The following INTS1 variants were observed in gnomAD, a reference collection of about 807,000 sequenced individuals.
INTS1 encodes integrator complex subunit 1.
In INTS1, 137 loss-of-function variants were observed where a neutral mutation model predicts 241.6. The ratio of observed to expected loss-of-function variants is 0.57; its 90% CI spans 0.49 to 0.65. The LOEUF (loss-of-function observed/expected upper bound fraction) is 0.65. INTS1 is among the 30% of genes least tolerant of loss of function. The pLI is 0.00. For missense variants in INTS1, 3,073 were observed against 3,032.2 expected, an observed-to-expected ratio of 1.01 and a Z score of -0.32; for synonymous variants, 1,692 against 1,337.8, an observed-to-expected ratio of 1.26 and a Z score of -5.78.
intron 32 of INTS1, 50 bp from the exon 33 acceptor site, chr7:1,478,556 G>T: frequency 2.5e-6 from 4 of 1,583,578 alleles, no homozygotes; most frequent in Non-Finnish European, 3.4e-6. Flanking sequence ...TCACCCCATC[G>T]GTGTATCCCA....
At chr7:1,482,782 T>C (rs1051842010) in intron 26 of INTS1, 75 bp from the exon 27 acceptor site, 1 of 1,526,472 alleles carries the variant, frequency 6.6e-7, no homozygotes, top group African/African-American at 1.4e-5. Flanking sequence ...GTGCCAAGGC[T>C]AGAGGCACCT....
chr7:1,478,556 G>A (rs1348142770), intron 32 of INTS1, 50 bp from the exon 33 acceptor site: 9 of 1,583,458 alleles, frequency 5.7e-6, no homozygotes, highest in Middle Eastern at 2.2e-4. Context: ...TCACCCCATC[G>A]GTGTATCCCA....
chr7:1,480,340 C>A lies in INTS1; in HGVS notation c.4051G>T (p.Asp1351Tyr). The change falls in exon 30 of 48, where the codon GAC becomes TAC. Residue 1351 changes from aspartate to tyrosine, a missense_variant. Asp to Tyr is a radical substitution (Grantham distance 160, BLOSUM62 -3). Transcript: ENST00000404767. ...ACCTGGAGGAACATGCCAGCCAGGT[C>A]GTCCTCAGGGCCCAGCACCCGGAGC... The part of the protein sequence containing the change: ...TQLRVLGPED[D>Y]LAGMFLQIFP... The A allele has an allele frequency of 1.9e-6, 3 of 1,610,134 alleles. No homozygotes were observed. The highest frequency in any genetic ancestry group is 2.5e-6 in the Non-Finnish European group (3 of 1,178,826).
At chr7:1,488,595 G>A (rs963228269) in intron 18 of INTS1, among the ~76,000 whole-genome samples, 21 of 151,946 alleles carry the variant, frequency 1.4e-4, no homozygotes, top group East Asian at 3.9e-4. Flanking sequence ...ACAGTGCAAC[G>A]GCCCCAAACG....
intron 45 of INTS1, 82 bp downstream of exon 45, chr7:1,471,489 C>T (rs918172753): frequency 4.3e-5 from 63 of 1,459,650 alleles, no homozygotes; most frequent in African/African-American, 2.8e-4. Context: ...AGCGCGGGCA[C>T]GCCATGTTGG....
Position 1,478,617 on chromosome 7 carries a change from C to T in INTS1, c.4489+109G>A. 2.0e-6 allele frequency: 3 copies of T among 1,492,720 alleles called. No individual in the cohort carries two copies. In the Admixed American group the frequency reaches 6.1e-5, roughly 30 times the overall value. The allele number at this position is 1,492,720 out of a possible 1,614,324, so 92.5% of individuals were successfully genotyped here. ...GCTCCCCTGGGCCCACGCGGGTACCCACCCCCCAAGCCACTGCCCAGGCCT... is the reference window on the plus strand; with the variant it reads ...GCTCCCCTGGGCCCACGCGGGTACCTACCCCCCAAGCCACTGCCCAGGCCT... On this transcript the variant is annotated intron_variant, in intron 32 of 47. Transcript: ENST00000404767.
intron 18 of INTS1, among the ~76,000 whole-genome samples, chr7:1,488,412 G>A (rs542945231): frequency 1.3e-5 from 2 of 152,134 alleles, no homozygotes; most frequent in Non-Finnish European, 2.9e-5. Context: ...CCCCATGGCC[G>A]CTCTAATCTG....
intron 40 of INTS1, among the ~76,000 whole-genome samples, 171 bp from the exon 41 acceptor site, chr7:1,474,531 C>T (rs145295922): frequency 1.6e-4 from 24 of 152,338 alleles, no homozygotes; most frequent in African/African-American, 5.3e-4. Context: ...GCCCACCCAG[C>T]TCCTCCCACC....
chr7:1,490,650 CCA>C (rs1782506930), intron 16 of INTS1, among the ~76,000 whole-genome samples: 1 of 152,232 alleles, frequency 6.6e-6, no homozygotes, highest in South Asian at 2.1e-4. Flanking sequence ...GTGGCACTCC[CCA>C]GACTGACCCA....
chr7:1,477,708 G>A (rs1313303168), intron 34 of INTS1, 35 bp from the exon 35 acceptor site: 1 of 1,604,594 alleles, frequency 6.2e-7, no homozygotes, highest in Admixed American at 1.7e-5. Context: ...AAGGGCTGGT[G>A]CCACCCGCCT....
Position 1,478,846 on chromosome 7 carries a change from G to C in INTS1, c.4369C>G (p.Leu1457Val), listed in dbSNP as rs766054060. 4.3e-6 allele frequency: 7 copies of C among 1,610,822 alleles called. No individual in the cohort carries two copies. Among genetic ancestry groups the C allele is most frequent in the South Asian group, 1.1e-5 (1 of 90,818 alleles). Residue 1457 changes from leucine (L) to valine (V), a missense_variant, in exon 32 of 48, where the codon CTG becomes GTG. Leu to Val is a conservative substitution (Grantham distance 32). Transcript: ENST00000404767. ...PQDTGFSSLF[L>V]KVLLQMLQWL... ...TGCAGCATCTGCAGGAGCACCTTCA[G>C]GAAGAGCGAGGAGAAGCCGGTGTCC...
chr7:1,471,371 G>A, intron 45 of INTS1, 147 bp from the exon 46 acceptor site: 1 of 1,028,234 alleles, frequency 9.7e-7, no homozygotes, highest in Non-Finnish European at 1.4e-6. Flanking sequence ...CCACTGGCCG[G>A]TCCCAGCCCG....
chr7:1,486,579 T>C (rs755819883), intron 22 of INTS1, 46 bp downstream of exon 22: 8 of 1,579,976 alleles, frequency 5.1e-6, no homozygotes, highest in South Asian at 2.3e-5. Context: ...GCCTACTCAT[T>C]TTAAACATGA....
At chr7:1,503,854 C>CAAAG (rs1305065908) in intron 2 of INTS1, 49 bp downstream of exon 2, 13 of 1,430,990 alleles carry the variant, frequency 9.1e-6, no homozygotes, top group Non-Finnish European at 9.6e-6. Context: ...CAAAGACCCC[C>CAAAG]AAAGACCCCC....
At chr7:1,478,980 C>T in intron 31 of INTS1, 95 bp from the exon 32 acceptor site, 2 of 1,367,446 alleles carry the variant, frequency 1.5e-6, no homozygotes, top group Non-Finnish European at 2.0e-6. Context: ...GCTGCTGAGA[C>T]CTGCCGCGAC....
At chr7:1,472,498 G>A in intron 43 of INTS1, 112 bp from the exon 44 acceptor site, 2 of 707,150 alleles carry the variant, frequency 2.8e-6, no homozygotes, top group Non-Finnish European at 4.6e-6. Context: ...GGCTCCCAAG[G>A]TGCCTGCACA....
rs748332636 is a variant in INTS1, at chr7:1,499,527, T to C, written c.790A>G (p.Arg264Gly). ...QTAFNTRMPP[R>G]SVLLQGEAGR... ...GCCTCCCCCTGCAGCAGCACGCTCC[T>C]GGGGGGCATTCTGGTGTTGAAGGCC... is the stretch of plus-strand genomic sequence containing the variant. Residue 264 changes from arginine (R) to glycine (G), a missense_variant, in exon 6 of 48, where the codon AGG becomes GGG. Physicochemically the swap from Arg to Gly is moderately radical, Grantham distance 125. Coordinates refer to ENST00000404767, the MANE Select transcript of INTS1 (RefSeq NM_001080453.3). 13 of 1,612,672 alleles carry C rather than the reference T, an allele frequency of 8.1e-6. No individual in the cohort carries two copies. The highest frequency in any genetic ancestry group is 1.7e-4 in the Middle Eastern group (1 of 6,052).
At chr7:1,486,498 C>A in intron 22 of INTS1, 127 bp downstream of exon 22, 1 of 1,044,556 alleles carries the variant, frequency 9.6e-7, no homozygotes, top group Non-Finnish European at 1.4e-6. Flanking sequence ...CTCCTGACCT[C>A]AGGTAATCTG....
intron 16 of INTS1, among the ~76,000 whole-genome samples, chr7:1,491,552 CA>C (rs2128541093): frequency 6.6e-6 from 1 of 152,344 alleles, no homozygotes; most frequent in African/African-American, 2.4e-5. Flanking sequence ...AGACATGACA[CA>C]AAAGCACAGA....
Sources: gnomAD v4.1 joint callset for allele counts (sites outside exome capture counted in the v4.1 genomes callset) on GRCh38, gnomAD v4.1.1 for gene constraint, MANE v1.5 for transcripts, NCBI Gene and HGNC (gene_info 2026-07-23, HGNC 2026-07-21) for gene names.